The following CATIP variants were observed in gnomAD, a reference collection of about 807,000 sequenced individuals.
CATIP encodes the protein ciliogenesis associated TTC17 interacting protein, also known as ciliogenesis-associated TTC17-interacting protein.
Under a neutral mutation model 42.5 loss-of-function variants are expected in CATIP, and 40 were observed. The observed-to-expected ratio is 0.94, with a 90% CI of 0.73 to 1.22. The LOEUF (loss-of-function observed/expected upper bound fraction) is 1.22. CATIP is among the 50% of genes most tolerant of loss of function. The pLI is 0.00. For missense variants in CATIP, 489 were observed against 496.0 expected, an observed-to-expected ratio of 0.99 and a Z score of 0.13; for synonymous variants, 222 against 200.2, an observed-to-expected ratio of 1.11 and a Z score of -0.92.
At chr2:218,363,325 A>G (rs1695303901) in intron 6 of CATIP, among the ~76,000 whole-genome samples, 1 of 141,808 alleles carries the variant, frequency 7.1e-6, no homozygotes, top group Admixed American at 7.1e-5. Flanking sequence ...CTAAAAATAC[A>G]AAAAAAAAAA....
chr2:218,363,878 A>G (rs1260387710), intron 6 of CATIP, among the ~76,000 whole-genome samples: 1 of 152,168 alleles, frequency 6.6e-6, no homozygotes, highest in African/African-American at 2.4e-5. Context: ...ACTTTACTGA[A>G]ATATTCCTTT....
chr2:218,367,657 C>T (rs1333565948), intron 9 of CATIP, 65 bp from the exon 10 acceptor site: 6 of 1,577,460 alleles, frequency 3.8e-6, no homozygotes, highest in South Asian at 1.1e-5. Flanking sequence ...TTGGAGCGAG[C>T]GGCTGGGGGC....
chr2:218,360,726 A>T, intron 5 of CATIP, 67 bp downstream of exon 5: 1 of 1,217,968 alleles, frequency 8.2e-7, no homozygotes, highest in Admixed American at 1.9e-5. Flanking sequence ...AGACAGGTCC[A>T]GATCAATTTA....
intron 5 of CATIP, among the ~76,000 whole-genome samples, chr2:218,362,503 G>A (rs2106313830): frequency 6.6e-6 from 1 of 152,106 alleles, no homozygotes. Flanking sequence ...GCCAGGCATG[G>A]TAGCCTGTAA....
Position 218,367,877 on chromosome 2 carries a change from G to T in CATIP, c.1077G>T (p.Pro359=), listed in dbSNP as rs761985175. ...EFFGPFDPWR[P]SSPALGSSHR... ...TCGGCCCCTTCGACCCGTGGCGTCC[G>T]TCGTCACCGGCCTTGGGCTCCTCCC... Residue 359 remains proline, a synonymous_variant, in exon 10 of 10, where the codon CCG becomes CCT. Coordinates refer to ENST00000289388, the MANE Select transcript of CATIP (RefSeq NM_198559.2). 9 of 1,612,842 alleles carry T rather than the reference G, an allele frequency of 5.6e-6. No homozygotes were observed. The South Asian group carries it at 9.9e-5, about 18-fold the overall frequency.
At chr2:218,363,799 A>G (rs939458325) in intron 6 of CATIP, among the ~76,000 whole-genome samples, 3 of 152,094 alleles carry the variant, frequency 2.0e-5, no homozygotes, top group Non-Finnish European at 4.4e-5. Flanking sequence ...ACAGAGGGAG[A>G]CTCTGTCTCA....
chr2:218,360,549 TC>T (rs1382371048), intron 4 of CATIP, 23 bp from the exon 5 acceptor site: 93 of 1,598,280 alleles, frequency 5.8e-5, no homozygotes, highest in Non-Finnish European at 7.5e-5. Context: ...TCCCTGATCC[TC>T]CCCCGCATGC....
intron 7 of CATIP, 147 bp from the exon 8 acceptor site, chr2:218,366,877 C>T: frequency 1.4e-6 from 1 of 694,156 alleles, no homozygotes; most frequent in Non-Finnish European, 2.6e-6. Context: ...TGATTCGGGC[C>T]CCACCCTTAT....
chr2:218,357,759 C>T (rs201917148), intron 3 of CATIP, 25 bp downstream of exon 3: 105 of 1,594,398 alleles, frequency 6.6e-5, no homozygotes, highest in African/African-American at 6.2e-4. Flanking sequence ...GCCTGATGCC[C>T]GTCACTCTCC....
rs572893473 is a variant in CATIP at position 218,367,976 on chromosome 2, G to A, written c.*12G>A. ...CGGGGGCGGCCTAAGCGGGGCCCAG[G>A]CCCGGACAGGGCAGGAAACCAGGGG... On this transcript the variant is annotated 3_prime_UTR_variant, in exon 10 of 10. Transcript: ENST00000289388. 1 of 1,553,128 alleles carries A rather than the reference G, an allele frequency of 6.4e-7. No homozygotes were observed. Among genetic ancestry groups the A allele is most frequent in the African/African-American group, 1.4e-5 (1 of 73,370 alleles).
Position 218,357,122 on chromosome 2 carries a change from C to T in CATIP, c.53C>T (p.Ser18Leu), listed in dbSNP as rs758210533. The change falls in exon 2 of 10, where the codon TCG becomes TTG. Residue 18 changes from serine to leucine, a missense_variant. Ser to Leu is a moderately radical substitution (Grantham distance 145). Coordinates refer to ENST00000289388, the MANE Select transcript of CATIP (RefSeq NM_198559.2). Reference protein sequence around the residue: ...TGSRAKDHQPSGPECLPLPEA... With the variant: ...TGSRAKDHQPLGPECLPLPEA... ...TCCAGAGCTAAGGACCACCAGCCCTCGGGTCCGGAGTGTCTGCCACTCCCA... is the reference window on the plus strand; with the variant it reads ...TCCAGAGCTAAGGACCACCAGCCCTTGGGTCCGGAGTGTCTGCCACTCCCA... 44 of 1,613,852 alleles carry T rather than the reference C, an allele frequency of 2.7e-5. No homozygotes were observed. The highest frequency in any genetic ancestry group is 3.6e-5 in the Non-Finnish European group (43 of 1,179,878).
At chr2:218,357,770 C>A (rs756493179) in intron 3 of CATIP, 36 bp downstream of exon 3, 4 of 1,580,436 alleles carry the variant, frequency 2.5e-6, no homozygotes, top group Non-Finnish European at 8.7e-7. Flanking sequence ...GTCACTCTCC[C>A]CTTCCTCCAA....
rs928168751 is a variant in CATIP, at chr2:218,364,771, G to C, written c.755+19G>C. The C allele has an allele frequency of 6.2e-7, 1 of 1,607,568 alleles. No individual in the cohort carries two copies. Among genetic ancestry groups the C allele is most frequent in the African/African-American group, 1.3e-5 (1 of 74,900 alleles). Reference sequence around the variant, plus strand: ...CCGATGGGTGAGCTGCTGATGGTGGGCCCAGAGGGGTGGTGCTGAGCTTGT... The same window carrying C: ...CCGATGGGTGAGCTGCTGATGGTGGCCCCAGAGGGGTGGTGCTGAGCTTGT... On this transcript the variant is annotated intron_variant, in intron 7 of 9. Coordinates refer to ENST00000289388, the MANE Select transcript of CATIP (RefSeq NM_198559.2).
chr2:218,364,202 G>GC (rs1695339918), intron 6 of CATIP, among the ~76,000 whole-genome samples: 1 of 152,212 alleles, frequency 6.6e-6, no homozygotes, highest in Admixed American at 6.6e-5. Flanking sequence ...CATAGCTGCA[G>GC]CTACAACAGG....
At chr2:218,363,885 C>T (rs62182117) in intron 6 of CATIP, among the ~76,000 whole-genome samples, 13,038 of 152,108 alleles carry the variant, frequency 0.086, 619 homozygotes, top group Non-Finnish European at 0.11. Flanking sequence ...TGAAATATTC[C>T]TTTATTATTT....
At chr2:218,366,313 CG>C (rs1695438668) in intron 7 of CATIP, 1 of 152,120 alleles carries the variant, frequency 6.6e-6, no homozygotes, top group African/African-American at 2.4e-5. Context: ...TTAGTAGAGA[CG>C]GCGTTTCACT....
At position 218,364,631 on chromosome 2, in the gene CATIP, A is replaced by G. The variant is rs549616936; in HGVS notation, c.634A>G (p.Asn212Asp). Residue 212 changes from asparagine (N) to aspartate (D), a missense_variant, in exon 7 of 10, where the codon AAC becomes GAC. Asn to Asp is a conservative substitution (Grantham distance 23, BLOSUM62 1). Coordinates refer to ENST00000289388, the MANE Select transcript of CATIP (RefSeq NM_198559.2). The stretch of plus-strand genomic sequence containing the variant: ...CCCCAATTTTGGCTGTTGCCAGCAA[A>G]ACCTGGGCTTCCAGACCATCCAGGT... ...EGKLCYLTYQ[N>D]LGFQTIQVDH... is the part of the protein sequence containing the mutation. 2 of 1,613,492 alleles carry G rather than the reference A, an allele frequency of 1.2e-6. No individual in the cohort carries two copies. Among genetic ancestry groups the G allele is most frequent in the African/African-American group, 1.3e-5 (1 of 75,018 alleles).
chr2:218,358,375 G>C (rs6746094), intron 4 of CATIP, among the ~76,000 whole-genome samples: 1,913 of 152,140 alleles, frequency 0.013, 47 homozygotes, highest in African/African-American at 0.043. Context: ...TTCGAGACCA[G>C]CCTGGCCAAC....
intron 5 of CATIP, 22 bp downstream of exon 5, chr2:218,360,681 G>C: frequency 6.4e-7 from 1 of 1,555,106 alleles, no homozygotes; most frequent in Non-Finnish European, 8.9e-7. Context: ...AGCCAGATGG[G>C]AGTTGCACTA....
Sources: gnomAD v4.1 joint callset for allele counts (sites outside exome capture counted in the v4.1 genomes callset) on GRCh38, gnomAD v4.1.1 for gene constraint, MANE v1.5 for transcripts, NCBI Gene and HGNC (gene_info 2026-07-23, HGNC 2026-07-21) for gene names.